Variants in USP2 observed in about 807,000 individuals in gnomAD.
USP2 encodes the protein ubiquitin carboxyl-terminal hydrolase 2.
Under a neutral mutation model 72.0 loss-of-function variants are expected in USP2, and 33 were observed. That is an observed-to-expected ratio of 0.46 (90% CI 0.35 to 0.61). The LOEUF is 0.61. USP2 is among the 20% of genes least tolerant of loss of function. The pLI, the probability that USP2 is intolerant of heterozygous loss-of-function variation, is 0.01. For missense variants in USP2, 691 were observed against 797.8 expected (o/e 0.87, Z 1.61); for synonymous variants, 296 against 312.5 (o/e 0.95, Z 0.56).
chr11:119,370,180 A>AAAAAC (rs1408956488), intron 2 of USP2, among the ~76,000 whole-genome samples: 1 of 152,186 alleles, frequency 6.6e-6, no homozygotes, highest in East Asian at 1.9e-4. Context: ...CCATCTCCAA[A>AAAAAC]AAAACAAAAC....
Position 119,358,786 on chromosome 11 carries a change from G to T in USP2, c.1224C>A (p.Asp408Glu). ...TCATGCGCTTACCCCCGATCCTACTGTCTTCCCGTTCTAGATATTTTCTCC... is the reference window on the plus strand; with the variant it reads ...TCATGCGCTTACCCCCGATCCTACTTTCTTCCCGTTCTAGATATTTTCTCC... ...QMWRKYLERE[D>E]SRIGDLFVGQ... Residue 408 changes from aspartate to glutamate, a missense_variant, in exon 7 of 13, where the codon GAC (aspartate) becomes GAA (glutamate). By Grantham distance (45) the Asp-to-Glu change is conservative. Coordinates refer to ENST00000260187, the MANE Select transcript of USP2 (RefSeq NM_004205.5). 7 of 1,614,052 alleles carry T rather than the reference G, an allele frequency of 4.3e-6. No homozygotes were observed. The highest frequency in any genetic ancestry group is 5.9e-6 in the Non-Finnish European group (7 of 1,180,024).
intron 2 of USP2, among the ~76,000 whole-genome samples, chr11:119,371,228 T>C (rs1417964719): frequency 6.6e-6 from 1 of 152,090 alleles, no homozygotes; most frequent in Non-Finnish European, 1.5e-5. Context: ...CCTTCTCTTC[T>C]GAGCAAGGGG....
rs1950733188 is a variant in USP2, at chr11:119,359,758, C to T, written c.826-98G>A. The T allele has an allele frequency of 2.0e-6, 3 of 1,508,746 alleles. No homozygotes were observed. In the South Asian group the frequency reaches 3.7e-5, roughly 19 times the overall value. The allele number at this position is 1,508,746 out of a possible 1,614,324, so 93.5% of individuals were successfully genotyped here. A position where few individuals can be genotyped will look rare whatever the true frequency, so the allele number is the denominator to read the frequency against. ...GCTCTCTGGTTCATCTACCTAGAATCCTTTCATAGGAGGCTATCCTTTCAT... is the reference window on the plus strand; with the variant it reads ...GCTCTCTGGTTCATCTACCTAGAATTCTTTCATAGGAGGCTATCCTTTCAT... On this transcript the variant is annotated intron_variant, in intron 3 of 12. Coordinates refer to ENST00000260187, the MANE Select transcript of USP2 (RefSeq NM_004205.5).
intron 1 of USP2, among the ~76,000 whole-genome samples, chr11:119,380,530 C>G (rs1951047916): frequency 6.6e-6 from 1 of 152,080 alleles, no homozygotes; most frequent in African/African-American, 2.4e-5. Flanking sequence ...GGGTTCTTAG[C>G]CTCTCTGGCC....
At position 119,360,221 on chromosome 11, in the gene USP2, G is replaced by A. The variant is rs760941938; in HGVS notation, c.788C>T (p.Ala263Val). The A allele has an allele frequency of 1.2e-6, 2 of 1,613,990 alleles. No homozygotes were observed. The highest frequency in any genetic ancestry group is 1.7e-6 in the Non-Finnish European group (2 of 1,179,974). Residue 263 changes from alanine (A) to valine (V), a missense_variant, in exon 3 of 13, where the codon GCC becomes GTC. Transcript: ENST00000260187. ...GTTTCGAAGACCAGCCAGACCCTGG[G>A]CACTCTTAGAATTCTGTAAGCAAAG... is the stretch of plus-strand genomic sequence containing the variant. ...PGRDGMNSKS[A>V]QGLAGLRNLG... is the part of the protein sequence containing the mutation.
rs1258008395 is a variant in USP2, at chr11:119,358,022, G to T, written c.1381C>A (p.Leu461Ile). ...PEVTLMDCMR[L>I]FTKEDVLDGD... ...TCAAGCACATCCTCTTTGGTGAAGA[G>T]CCTCATGCAGTCCATTAATGTCACC... The change falls in exon 9 of 13, where the codon CTC becomes ATC. Residue 461 changes from leucine to isoleucine, a missense_variant. Transcript: ENST00000260187. 15 of 1,614,082 alleles carry T rather than the reference G, an allele frequency of 9.3e-6. No homozygotes were observed. In the African/African-American group the frequency reaches 1.7e-4, roughly 19 times the overall value.
rs766019068 is a variant in USP2, at chr11:119,357,204, G to A, written c.1713C>T (p.His571=). The change falls in exon 12 of 13, where the codon CAC becomes CAT. Residue 571 remains histidine, a synonymous_variant. Transcript: ENST00000260187. ...YCRSPGTGEW[H]TFNDSSVTPM... ...GCTCTCACCTGGAGTCGTTGAAAGT[G>A]TGCCATTCTCCTGTCCCTGGACTGC... is the stretch of plus-strand genomic sequence containing the variant. 2.5e-6 allele frequency: 4 copies of A among 1,613,672 alleles called. No homozygotes were observed. Among genetic ancestry groups the A allele is most frequent in the East Asian group, 4.5e-5 (2 of 44,862 alleles).
chr11:119,360,278 C>T lies in USP2; in HGVS notation c.775-44G>A, dbSNP rs1201665591. 2.5e-6 allele frequency: 4 copies of T among 1,604,038 alleles called. No homozygotes were observed. In the East Asian group the frequency reaches 8.9e-5, roughly 36 times the overall value. On this transcript the variant is annotated intron_variant, in intron 2 of 12. Transcript: ENST00000260187. ...TGGCAATAAGGTGGAAGCAAAGATGCTAGGCCTGTGCTGGGCTCTCTCGTG... is the reference window on the plus strand; with the variant it reads ...TGGCAATAAGGTGGAAGCAAAGATGTTAGGCCTGTGCTGGGCTCTCTCGTG...
intron 2 of USP2, among the ~76,000 whole-genome samples, chr11:119,365,830 A>G (rs993728834): frequency 6.6e-6 from 1 of 152,076 alleles, no homozygotes; most frequent in African/African-American, 2.4e-5. Context: ...AGGGTTTTAT[A>G]TATATTATCC....
intron 6 of USP2, 33 bp from the exon 7 acceptor site, chr11:119,358,870 A>G (rs1442517739): frequency 6.2e-7 from 1 of 1,613,038 alleles, no homozygotes; most frequent in East Asian, 2.2e-5. Context: ...AATTGGGTCA[A>G]AGCTCAAAAC....
Position 119,357,353 on chromosome 11 carries a change from A to T in USP2, c.1610-46T>A, listed in dbSNP as rs747066874. Reference sequence around the variant, plus strand: ...AAGCCCCCGAGGCCCCCCTGCCCCGACTTCCCCCCTCCAACCTCTCCTTCT... The same window carrying T: ...AAGCCCCCGAGGCCCCCCTGCCCCGTCTTCCCCCCTCCAACCTCTCCTTCT... On this transcript the variant is annotated intron_variant, in intron 11 of 12. Transcript: ENST00000260187. 22 of 1,290,740 alleles carry T rather than the reference A, an allele frequency of 1.7e-5. No individual in the cohort carries two copies. In the South Asian group the frequency reaches 2.1e-4, roughly 12 times the overall value. 80.0% of individuals were successfully genotyped at this position (1,290,740 alleles called of 1,614,324 possible). A position where few individuals can be genotyped will look rare whatever the true frequency, so the allele number is the denominator to read the frequency against.
At chr11:119,360,556 T>G (rs543637654) in intron 2 of USP2, among the ~76,000 whole-genome samples, 1 of 152,222 alleles carries the variant, frequency 6.6e-6, no homozygotes, top group South Asian at 2.1e-4. Context: ...CCTGAGTAGC[T>G]GGGACTACAG....
chr11:119,366,234 A>G (rs959450556), intron 2 of USP2, among the ~76,000 whole-genome samples: 1 of 152,238 alleles, frequency 6.6e-6, no homozygotes, highest in African/African-American at 2.4e-5. Context: ...TTAAGCCTAG[A>G]GAGGTCAAAT....
At position 119,374,058 on chromosome 11, in the gene USP2, G is replaced by T. The variant is rs114331167; in HGVS notation, c.-41-537C>A. On this transcript the variant is annotated intron_variant, in intron 1 of 12. Transcript: ENST00000260187. Reference sequence around the variant, plus strand: ...TTGGTCAGATCCCCTGTGAGGCCAAGGAGGCTCAGGGGAGGAAGTAATGGG... The same window carrying T: ...TTGGTCAGATCCCCTGTGAGGCCAATGAGGCTCAGGGGAGGAAGTAATGGG... Among the ~76,000 whole-genome samples the T allele has an allele frequency of 7.8e-3, 1,190 of 152,366 alleles. 20 individuals are homozygous for T. The highest frequency in any genetic ancestry group is 0.025 in the African/African-American group (1,040 of 41,592).
chr11:119,367,511 G>C (rs796855871), intron 2 of USP2, among the ~76,000 whole-genome samples: 9 of 152,308 alleles, frequency 5.9e-5, no homozygotes, highest in African/African-American at 2.2e-4. Flanking sequence ...TGGCCTGATT[G>C]ATTGATGGAT....
intron 2 of USP2, among the ~76,000 whole-genome samples, chr11:119,370,038 G>A (rs1186972976): frequency 6.6e-6 from 1 of 152,142 alleles, no homozygotes; most frequent in Non-Finnish European, 1.5e-5. Context: ...AGCCTGGTGT[G>A]GTGGTACACG....
At position 119,373,171 on chromosome 11, in the gene USP2, C is replaced by T; in HGVS notation, c.310G>A (p.Gly104Ser). 1 of 1,614,158 alleles carries T rather than the reference C, an allele frequency of 6.2e-7. No individual in the cohort carries two copies. The change falls in exon 2 of 13, where the codon GGC (glycine) becomes AGC (serine). Residue 104 changes from glycine to serine, a missense_variant. By Grantham distance (56) the Gly-to-Ser change is moderately conservative. Coordinates refer to ENST00000260187, the MANE Select transcript of USP2 (RefSeq NM_004205.5). Reference sequence around the variant, plus strand: ...CCGCTGCCCCCGCTGAGGCCACTGCCTAAAGGCCGCTCAGTACCCCGGGTC... The same window carrying T: ...CCGCTGCCCCCGCTGAGGCCACTGCTTAAAGGCCGCTCAGTACCCCGGGTC... The part of the protein sequence containing the change: ...SQTRGTERPL[G>S]SGLSGGSGFP...
intron 2 of USP2, among the ~76,000 whole-genome samples, chr11:119,369,950 G>A (rs1433988948): frequency 2.6e-5 from 4 of 152,196 alleles, no homozygotes; most frequent in Admixed American, 1.3e-4. Context: ...AGGCCGAGGC[G>A]GGTGGATCAC....
At chr11:119,362,690 G>A (rs1228446860) in intron 2 of USP2, among the ~76,000 whole-genome samples, 1 of 152,196 alleles carries the variant, frequency 6.6e-6, no homozygotes, top group Non-Finnish European at 1.5e-5. Flanking sequence ...CCTCAGGGTC[G>A]ACAGGGAGAA....
Sources: gnomAD v4.1 joint callset for allele counts (sites outside exome capture counted in the v4.1 genomes callset) on GRCh38, gnomAD v4.1.1 for gene constraint, MANE v1.5 for transcripts, NCBI Gene and HGNC (gene_info 2026-07-23, HGNC 2026-07-21) for gene names.